The following C12orf42 variants were observed in gnomAD, a reference collection of about 807,000 sequenced individuals.
The protein encoded by C12orf42 is uncharacterized protein C12orf42.
C12orf42 carries 25 observed loss-of-function variants against 21.6 expected under a neutral mutation model. The observed-to-expected ratio is 1.16, with a 90% CI of 0.84 to 1.62. The LOEUF (loss-of-function observed/expected upper bound fraction) is 1.62, where lower values mean the gene tolerates loss of function less well. Ranked by LOEUF, C12orf42 falls within the 40% of genes most tolerant of loss-of-function variation. C12orf42 has a pLI of 0.00. For synonymous variants in C12orf42, 174 were observed against 175.0 expected (o/e 0.99, Z 0.05); for missense variants, 483 against 459.3 (o/e 1.05, Z -0.47).
At chr12:103,186,838 C>T in the C12orf42 span, among the ~76,000 whole-genome samples, 1 of 152,080 alleles carries the variant, frequency 6.6e-6, no homozygotes, top group Admixed American at 6.6e-5. Flanking sequence ...TCCTATTTTT[C>T]CCCTAATATA....
chr12:103,116,254 C>T, the C12orf42 span, among the ~76,000 whole-genome samples: 2 of 151,740 alleles, frequency 1.3e-5, no homozygotes, highest in South Asian at 2.1e-4. Flanking sequence ...ATCCCAGCTA[C>T]TCGGGAGGCT....
the C12orf42 span, among the ~76,000 whole-genome samples, chr12:103,541,369 T>C: frequency 1.3e-5 from 2 of 152,224 alleles, no homozygotes; most frequent in Non-Finnish European, 2.9e-5. Context: ...TTTTGGTCAA[T>C]GGTAGGATGC....
At chr12:103,122,623 G>C in the C12orf42 span, among the ~76,000 whole-genome samples, 2 of 152,138 alleles carry the variant, frequency 1.3e-5, no homozygotes, top group Non-Finnish European at 2.9e-5. Flanking sequence ...AAGTCATACA[G>C]CTATCTTCAG....
upstream of C12orf42, among the ~76,000 whole-genome samples, chr12:103,498,468 GGATATTA>G (rs1955628736): frequency 6.6e-6 from 1 of 152,134 alleles, no homozygotes. Flanking sequence ...ATATACAATG[GGATATTA>G]TTCAGACAAA....
Position 103,459,397 on chromosome 12 carries a change from A to T in C12orf42, c.78+18952T>A, listed in dbSNP as rs147202584. Among the ~76,000 whole-genome samples the T allele has an allele frequency of 3.6e-3, 541 of 152,258 alleles. 6 individuals carry two copies. The highest frequency in any genetic ancestry group is 0.012 in the African/African-American group (506 of 41,552). On this transcript the variant is annotated intron_variant, in intron 2 of 5. Transcript: ENST00000548883. ...GAAGTAAATCCCTCATGAATGGCTAAGTGCCATCCCCTTTGTGATGAGTGT... is the reference window on the plus strand; with the variant it reads ...GAAGTAAATCCCTCATGAATGGCTATGTGCCATCCCCTTTGTGATGAGTGT...
At chr12:103,291,036 T>A (rs1593299146) in intron 4 of C12orf42, among the ~76,000 whole-genome samples, 1 of 152,132 alleles carries the variant, frequency 6.6e-6, no homozygotes, top group African/African-American at 2.4e-5. Context: ...AAATATTTTT[T>A]TAAAAAAGAA....
the C12orf42 span, among the ~76,000 whole-genome samples, chr12:103,148,174 G>A: frequency 6.6e-6 from 1 of 152,164 alleles, no homozygotes; most frequent in East Asian, 1.9e-4. Context: ...TCACTGTGGT[G>A]TGACAGAACC....
the C12orf42 span, among the ~76,000 whole-genome samples, chr12:103,547,347 T>C: frequency 2.0e-5 from 3 of 152,232 alleles, no homozygotes; most frequent in Non-Finnish European, 2.9e-5. Flanking sequence ...ATTTCCATTA[T>C]TGTAGAAAGT....
the C12orf42 span, among the ~76,000 whole-genome samples, chr12:103,067,162 G>A: frequency 1.5e-4 from 23 of 152,276 alleles, no homozygotes; most frequent in South Asian, 4.1e-3. Context: ...ATTATGGAAA[G>A]GGCAGAGGTT....
chr12:103,232,406 A>G, the C12orf42 span, among the ~76,000 whole-genome samples: 1 of 152,182 alleles, frequency 6.6e-6, no homozygotes, highest in South Asian at 2.1e-4. Flanking sequence ...CATTTCTCTC[A>G]TGTTATTTTT....
chr12:103,425,729 C>T (rs755023524), intron 2 of C12orf42, among the ~76,000 whole-genome samples: 4 of 151,814 alleles, frequency 2.6e-5, no homozygotes, highest in Non-Finnish European at 5.9e-5. Flanking sequence ...GGTGCTCTGT[C>T]CCAGGGAGAT....
chr12:103,236,340 CAATGACTTGAAA>C (rs2033466536), downstream of C12orf42, among the ~76,000 whole-genome samples: 1 of 152,150 alleles, frequency 6.6e-6, no homozygotes, highest in Non-Finnish European at 1.5e-5. Context: ...CTTGTTCCCT[CAATGACTTGAAA>C]AATGACTTGA....
chr12:103,401,812 A>AT, intron 2 of C12orf42, 137 bp from the exon 3 acceptor site: 1 of 779,922 alleles, frequency 1.3e-6, no homozygotes, highest in South Asian at 1.7e-5. Context: ...TGAGTACCCG[A>AT]TATTGCCCAC....
At chr12:103,551,080 A>G in the C12orf42 span, among the ~76,000 whole-genome samples, 1 of 152,116 alleles carries the variant, frequency 6.6e-6, no homozygotes, top group Non-Finnish European at 1.5e-5. Flanking sequence ...TTATTACAGT[A>G]TGATGTTAGC....
chr12:103,278,902 T>C (rs1234568899), intron 4 of C12orf42, among the ~76,000 whole-genome samples: 2 of 152,246 alleles, frequency 1.3e-5, no homozygotes, highest in African/African-American at 2.4e-5. Context: ...TGAATGTTCC[T>C]GTCAGCCATT....
the C12orf42 span, among the ~76,000 whole-genome samples, chr12:103,509,792 A>C: frequency 6.6e-6 from 1 of 152,232 alleles, no homozygotes; most frequent in Non-Finnish European, 1.5e-5. Context: ...TGCAAATCAA[A>C]ACCACAATGT....
intron 1 of C12orf42, among the ~76,000 whole-genome samples, chr12:103,479,947 C>T (rs147524951): frequency 2.0e-4 from 31 of 151,992 alleles, no homozygotes; most frequent in African/African-American, 7.0e-4. Flanking sequence ...CAAAGTTATG[C>T]TAGCTGCAAA....
chr12:103,427,651 C>T (rs187680136), intron 2 of C12orf42, among the ~76,000 whole-genome samples: 1 of 152,188 alleles, frequency 6.6e-6, no homozygotes, highest in Non-Finnish European at 1.5e-5. Context: ...ACAGAACTCT[C>T]CACCCCAAAT....
intron 3 of C12orf42, among the ~76,000 whole-genome samples, chr12:103,394,622 T>G (rs2047359468): frequency 6.6e-6 from 1 of 152,200 alleles, no homozygotes; most frequent in Admixed American, 6.5e-5. Flanking sequence ...GAAAGCAATT[T>G]TTTTCCACAA....
Sources: gnomAD v4.1 joint callset for allele counts (sites outside exome capture counted in the v4.1 genomes callset) on GRCh38, gnomAD v4.1.1 for gene constraint, MANE v1.5 for transcripts, NCBI Gene and HGNC (gene_info 2026-07-23, HGNC 2026-07-21) for gene names.